DLG1: variants seen among roughly 807,000 people sequenced by gnomAD.
The protein encoded by DLG1 is discs large MAGUK scaffold protein 1, also known as disks large homolog 1.
Under a neutral mutation model 123.4 loss-of-function variants are expected in DLG1, and 42 were observed. The observed-to-expected ratio is 0.34, with a 90% confidence interval of 0.27 to 0.44. The LOEUF (loss-of-function observed/expected upper bound fraction) is 0.44. Ranked by LOEUF, DLG1 falls within the 20% of genes least tolerant of loss-of-function variation. DLG1 has a pLI of 1.00. For missense variants in DLG1, 942 were observed against 1,082.6 expected (o/e 0.87, Z 1.82); for synonymous variants, 317 against 356.2 (o/e 0.89, Z 1.24).
At chr3:197,118,337 C>T (rs988855806) in intron 12 of DLG1, among the ~76,000 whole-genome samples, 4 of 152,154 alleles carry the variant, frequency 2.6e-5, no homozygotes, top group African/African-American at 9.7e-5. Context: ...AGAAGCACTG[C>T]CTGAAGACTA....
At chr3:197,276,039 C>T (rs1269596727) in intron 4 of DLG1, among the ~76,000 whole-genome samples, 2 of 152,140 alleles carry the variant, frequency 1.3e-5, no homozygotes, top group Admixed American at 1.3e-4. Flanking sequence ...CTATTGAAAG[C>T]AGACTATGTG....
At chr3:197,204,723 T>C (rs1289793297) in intron 4 of DLG1, among the ~76,000 whole-genome samples, 4 of 152,170 alleles carry the variant, frequency 2.6e-5, no homozygotes, top group Non-Finnish European at 5.9e-5. Context: ...AGCATTTACA[T>C]AGAATTAGGT....
chr3:197,106,837 T>C (rs1218983066), intron 13 of DLG1, among the ~76,000 whole-genome samples: 3 of 152,246 alleles, frequency 2.0e-5, no homozygotes, highest in African/African-American at 4.8e-5. Flanking sequence ...AGTCACTTTT[T>C]TTCTTTTACA....
intron 24 of DLG1, among the ~76,000 whole-genome samples, chr3:197,045,710 T>C (rs987482506): frequency 1.3e-5 from 2 of 152,174 alleles, no homozygotes; most frequent in Admixed American, 1.3e-4. Flanking sequence ...TACCATTGGA[T>C]TGTACCATTT....
intron 13 of DLG1, among the ~76,000 whole-genome samples, chr3:197,114,793 T>C (rs777771090): frequency 4.3e-4 from 65 of 151,960 alleles, no homozygotes; most frequent in Non-Finnish European, 7.7e-4. Context: ...CCATCCTGGT[T>C]AACAAGGTGA....
intron 18 of DLG1, among the ~76,000 whole-genome samples, chr3:197,072,648 C>A (rs544422943): frequency 2.7e-5 from 4 of 148,852 alleles, no homozygotes; most frequent in African/African-American, 9.9e-5. Flanking sequence ...CAAATAAATT[C>A]TTCAAGTTTT....
At chr3:197,092,157 T>C (rs1222374866) in intron 14 of DLG1, among the ~76,000 whole-genome samples, 2 of 152,218 alleles carry the variant, frequency 1.3e-5, no homozygotes, top group Non-Finnish European at 1.5e-5. Flanking sequence ...TTGGTATGTG[T>C]AGAAACAGCT....
At chr3:197,056,658 A>T (rs1042487039) in intron 23 of DLG1, among the ~76,000 whole-genome samples, 1 of 152,110 alleles carries the variant, frequency 6.6e-6, no homozygotes, top group Non-Finnish European at 1.5e-5. Context: ...TTTTTTCCTT[A>T]ACATTTTCTG....
chr3:197,225,143 A>G (rs1578310605), intron 4 of DLG1, among the ~76,000 whole-genome samples: 1 of 152,204 alleles, frequency 6.6e-6, no homozygotes, highest in Non-Finnish European at 1.5e-5. Context: ...ACTTTTTAGT[A>G]GAGACGGGGT....
At chr3:197,222,416 T>C (rs1561534043) in intron 4 of DLG1, among the ~76,000 whole-genome samples, 1 of 152,206 alleles carries the variant, frequency 6.6e-6, no homozygotes, top group Non-Finnish European at 1.5e-5. Flanking sequence ...TAGGGGTCCA[T>C]TTGTTTAAAG....
In DLG1 at chr3:197,135,813, A is replaced by G. The variant is rs537007522; in HGVS notation, c.1020+729T>C. Among the ~76,000 whole-genome samples the G allele has an allele frequency of 2.9e-5, 4 of 139,364 alleles. No individual in the cohort carries two copies. In the South Asian group the frequency reaches 9.9e-4, roughly 34 times the overall value. 91.4% of individuals were successfully genotyped at this position (139,364 alleles called of 152,430 possible). A position where few individuals can be genotyped will look rare whatever the true frequency, so the allele number is the denominator to read the frequency against. On this transcript the variant is annotated intron_variant, in intron 10 of 24. Coordinates refer to ENST00000667157, the MANE Select transcript of DLG1 (RefSeq NM_001366207.1). ...ATTATTTAGGCATATGTATATAATT[A>G]AACTTTTTTTTTTTTTGAGATGGGC...
chr3:197,204,374 G>A (rs1578041947), intron 4 of DLG1, among the ~76,000 whole-genome samples: 1 of 152,320 alleles, frequency 6.6e-6, no homozygotes, highest in East Asian at 1.9e-4. Flanking sequence ...GACCAACTTA[G>A]AGCCACATCC....
At chr3:197,245,496 T>C (rs551712721) in intron 4 of DLG1, among the ~76,000 whole-genome samples, 9 of 152,322 alleles carry the variant, frequency 5.9e-5, no homozygotes, top group African/African-American at 1.9e-4. Context: ...TTTTCTTACA[T>C]ATTAGACAAT....
intron 22 of DLG1, among the ~76,000 whole-genome samples, chr3:197,062,195 C>T (rs139051470): frequency 1.3e-5 from 2 of 152,290 alleles, no homozygotes; most frequent in African/African-American, 4.8e-5. Context: ...GAACATCATA[C>T]CTTAGCCCAG....
intron 14 of DLG1, among the ~76,000 whole-genome samples, chr3:197,097,755 A>G (rs1579108919): frequency 6.6e-6 from 1 of 151,426 alleles, no homozygotes; most frequent in African/African-American, 2.4e-5. Flanking sequence ...TAATTTTTGT[A>G]TTTTTAGTAG....
chr3:197,221,577 A>G (rs1236961636), intron 4 of DLG1, among the ~76,000 whole-genome samples: 1 of 152,116 alleles, frequency 6.6e-6, no homozygotes, highest in Non-Finnish European at 1.5e-5. Flanking sequence ...AACACTCAAT[A>G]AAGCTATGTT....
At chr3:197,154,792 T>C (rs553777924) in intron 5 of DLG1, among the ~76,000 whole-genome samples, 140 of 151,928 alleles carry the variant, frequency 9.2e-4, no homozygotes, top group African/African-American at 3.0e-3. Flanking sequence ...AGAAGTACAA[T>C]AACAGAAAAT....
intron 11 of DLG1, among the ~76,000 whole-genome samples, chr3:197,123,436 G>A (rs11720771): frequency 7.6e-4 from 115 of 152,164 alleles, no homozygotes; most frequent in Admixed American, 1.1e-3. Flanking sequence ...AATGTAAAAA[G>A]ATTTGAACAG....
intron 3 of DLG1, among the ~76,000 whole-genome samples, chr3:197,291,329 A>ACG (rs1370147871): frequency 9.2e-5 from 14 of 151,818 alleles, no homozygotes; most frequent in Non-Finnish European, 1.6e-4. Flanking sequence ...ACACACACAC[A>ACG]CACACACACA....
Sources: gnomAD v4.1 joint callset for allele counts (sites outside exome capture counted in the v4.1 genomes callset) on GRCh38, gnomAD v4.1.1 for gene constraint, MANE v1.5 for transcripts, NCBI Gene and HGNC (gene_info 2026-07-23, HGNC 2026-07-21) for gene names.